TMEM214: variants seen among roughly 807,000 people sequenced by gnomAD.
TMEM214 encodes transmembrane protein 214.
TMEM214 carries 71 observed loss-of-function variants against 89.8 expected under a neutral mutation model. That is an observed-to-expected ratio of 0.79 (90% CI 0.65 to 0.96). TMEM214 has a LOEUF of 0.96. Ranked by LOEUF, TMEM214 falls within the 40% of genes least tolerant of loss-of-function variation. TMEM214 has a pLI of 0.00. For missense variants in TMEM214, 754 were observed against 843.4 expected (o/e 0.89, Z 1.31); for synonymous variants, 332 against 349.5 (o/e 0.95, Z 0.56).
Position 27,040,905 on chromosome 2 carries a change from G to T in TMEM214, c.*68G>T. The stretch of plus-strand genomic sequence containing the variant: ...CCAAGACTGCAGCGGGTAGAAGGTG[G>T]CAGTTCTTCATGGGAGTCTTTTTAA... On this transcript the variant is annotated 3_prime_UTR_variant, in exon 17 of 17. Coordinates refer to ENST00000238788, the MANE Select transcript of TMEM214 (RefSeq NM_017727.5). The T allele has an allele frequency of 6.3e-7, 1 of 1,579,212 alleles. No individual in the cohort carries two copies.
rs776678217 is a variant in TMEM214, at chr2:27,040,095, A to C, written c.1688A>C (p.Gln563Pro). Residue 563 changes from glutamine (Q) to proline (P), a missense_variant, in exon 15 of 17, where the codon CAG becomes CCG. Gln to Pro is a moderately conservative substitution (Grantham distance 76, BLOSUM62 -1). Coordinates refer to ENST00000238788, the MANE Select transcript of TMEM214 (RefSeq NM_017727.5). ...CTCACCGTGGTGCGGCCCAGCTTGC[A>C]GCTGGCCTGGGCTCACACCAATGCC... Reference protein sequence around the residue: ...HLLTVVRPSLQLAWAHTNATV... With the variant: ...HLLTVVRPSLPLAWAHTNATV... 6 of 1,609,174 alleles carry C rather than the reference A, an allele frequency of 3.7e-6. No individual in the cohort carries two copies. Among genetic ancestry groups the C allele is most frequent in the African/African-American group, 2.7e-5 (2 of 74,910 alleles).
chr2:27,033,298 C>T (rs1572783248), intron 1 of TMEM214, 132 bp downstream of exon 1: 3 of 926,274 alleles, frequency 3.2e-6, no homozygotes, highest in Non-Finnish European at 4.3e-6. Context: ...TCTTTGGAGC[C>T]TCACGGGAGG....
In TMEM214 at chr2:27,036,560, C is replaced by G. The variant is rs766798583; in HGVS notation, c.794C>G (p.Ala265Gly). The G allele has an allele frequency of 3.1e-6, 5 of 1,614,054 alleles. No homozygotes were observed. Among genetic ancestry groups the G allele is most frequent in the Non-Finnish European group, 1.7e-6 (2 of 1,180,030 alleles). Residue 265 changes from alanine (A) to glycine (G), a missense_variant, in exon 6 of 17, where the codon GCA becomes GGA. By Grantham distance (60) the Ala-to-Gly change is moderately conservative. Coordinates refer to ENST00000238788, the MANE Select transcript of TMEM214 (RefSeq NM_017727.5). ...ACCATCATGTGGGCCCTGGGTCAAG[C>G]AGGTTTTGCCAACCTCACCGAGGGA... Reference protein sequence around the residue: ...CLTIMWALGQAGFANLTEGLK... With the variant: ...CLTIMWALGQGGFANLTEGLK...
chr2:27,041,094 G>A lies in TMEM214; in HGVS notation c.*257G>A. On this transcript the variant is annotated 3_prime_UTR_variant, in exon 17 of 17. Transcript: ENST00000238788. Reference sequence around the variant, plus strand: ...CATGGCCCCCAGCCTCCATCCTTGTGCTGGTAGCCTCTCACAACTCCGCCC... The same window carrying A: ...CATGGCCCCCAGCCTCCATCCTTGTACTGGTAGCCTCTCACAACTCCGCCC... The A allele has an allele frequency of 2.2e-6, 1 of 446,916 alleles. No homozygotes were observed. The highest frequency in any genetic ancestry group is 3.5e-5 in the South Asian group (1 of 28,532). The allele number at this position is 446,916 out of a possible 1,614,324, so 27.7% of individuals were successfully genotyped here.
chr2:27,037,741 G>A, intron 9 of TMEM214, 39 bp downstream of exon 9: 1 of 1,614,112 alleles, frequency 6.2e-7, no homozygotes, highest in Non-Finnish European at 8.5e-7. Context: ...CTTCCCCAGG[G>A]GTCAGCTGTA....
At chr2:27,037,914 C>T (rs752708787) in intron 9 of TMEM214, 16 of 1,549,738 alleles carry the variant, frequency 1.0e-5, no homozygotes, top group African/African-American at 6.8e-5. Flanking sequence ...TTCTGATGCC[C>T]GTCTCTTGCA....
At chr2:27,036,448 T>G in intron 5 of TMEM214, 39 bp from the exon 6 acceptor site, 1 of 1,545,972 alleles carries the variant, frequency 6.5e-7, no homozygotes, top group Non-Finnish European at 8.9e-7. Flanking sequence ...CCTGGTGTTT[T>G]GTCCTATCCC....
In TMEM214 at chr2:27,040,083, G is replaced by T; in HGVS notation, c.1676G>T (p.Arg559Leu). The T allele has an allele frequency of 6.2e-7, 1 of 1,608,940 alleles. No individual in the cohort carries two copies. Among genetic ancestry groups the T allele is most frequent in the Non-Finnish European group, 8.5e-7 (1 of 1,180,022 alleles). Reference protein sequence around the residue: ...LWGSHLLTVVRPSLQLAWAHT... With the variant: ...LWGSHLLTVVLPSLQLAWAHT... ...GGCTCCCACCTGCTCACCGTGGTGCGGCCCAGCTTGCAGCTGGCCTGGGCT... is the reference window on the plus strand; with the variant it reads ...GGCTCCCACCTGCTCACCGTGGTGCTGCCCAGCTTGCAGCTGGCCTGGGCT... Residue 559 changes from arginine to leucine, a missense_variant, in exon 15 of 17, where the codon CGG becomes CTG. Physicochemically the swap from Arg to Leu is moderately radical, Grantham distance 102. Coordinates refer to ENST00000238788, the MANE Select transcript of TMEM214 (RefSeq NM_017727.5).
At chr2:27,036,623 G>A in intron 6 of TMEM214, 31 bp downstream of exon 6, 1 of 1,613,172 alleles carries the variant, frequency 6.2e-7, no homozygotes. Context: ...AAAGAGGGAG[G>A]GTCTCGGAGC....
In TMEM214 at chr2:27,040,839, C is replaced by T; in HGVS notation, c.*2C>T. 2.5e-6 allele frequency: 4 copies of T among 1,612,148 alleles called. No individual in the cohort carries two copies. The highest frequency in any genetic ancestry group is 3.4e-6 in the Non-Finnish European group (4 of 1,178,372). ...CTTGCCCTGATATCCCAGCAGTAGG[C>T]CCTGCCTTCCTGGCCACTGATTTCT... On this transcript the variant is annotated 3_prime_UTR_variant, in exon 17 of 17. Coordinates refer to ENST00000238788, the MANE Select transcript of TMEM214 (RefSeq NM_017727.5).
rs764314374 is a variant in TMEM214, at chr2:27,039,168, A to G, written c.1525+4A>G. 1.2e-6 allele frequency: 2 copies of G among 1,612,986 alleles called. No individual in the cohort carries two copies. The highest frequency in any genetic ancestry group is 1.7e-5 in the Admixed American group (1 of 60,002). On this transcript the variant is annotated splice_donor_region_variant and intron_variant, in intron 13 of 16. Coordinates refer to ENST00000238788, the MANE Select transcript of TMEM214 (RefSeq NM_017727.5). Reference sequence around the variant, plus strand: ...CGGTCACACAGCTCCTTCCAGGGTAAGCAGCAATGGGCAAGCGAGGAGGAT... The same window carrying G: ...CGGTCACACAGCTCCTTCCAGGGTAGGCAGCAATGGGCAAGCGAGGAGGAT...
In TMEM214 at chr2:27,035,035, A is replaced by G. The variant is rs890754930; in HGVS notation, c.352-100A>G. 7 of 1,360,614 alleles carry G rather than the reference A, an allele frequency of 5.1e-6. No individual in the cohort carries two copies. The South Asian group carries it at 5.3e-5, about 10-fold the overall frequency. 84.3% of individuals were successfully genotyped at this position (1,360,614 alleles called of 1,614,324 possible). ...CTTAAAAATGGAATCCCTTCTTCCT[A>G]CTGCCACCTAGTTCAACCATTTTCC... On this transcript the variant is annotated intron_variant, in intron 2 of 16. Coordinates refer to ENST00000238788, the MANE Select transcript of TMEM214 (RefSeq NM_017727.5).
rs1558397420 is a variant in TMEM214 at position 27,037,115 on chromosome 2, G to A, written c.947G>A (p.Gly316Asp). Reference protein sequence around the residue: ...PNLTKGFGMIGPKDFFPLLDF... With the variant: ...PNLTKGFGMIDPKDFFPLLDF... The stretch of plus-strand genomic sequence containing the variant: ...CTTACCAAGGGCTTCGGCATGATTG[G>A]CCCCAAGGACTTCTTCCCACTTCTG... The change falls in exon 8 of 17, where the codon GGC (glycine) becomes GAC (aspartate). Residue 316 changes from glycine to aspartate, a missense_variant. Physicochemically the swap from Gly to Asp is moderately conservative, Grantham distance 94. Transcript: ENST00000238788. 1 of 1,613,998 alleles carries A rather than the reference G, an allele frequency of 6.2e-7. No homozygotes were observed. Among genetic ancestry groups the A allele is most frequent in the Admixed American group, 1.7e-5 (1 of 59,996 alleles).
rs764364144 is a variant in TMEM214 at position 27,038,687 on chromosome 2, C to T, written c.1294-15C>T. The T allele has an allele frequency of 1.2e-6, 2 of 1,612,772 alleles. No homozygotes were observed. The highest frequency in any genetic ancestry group is 1.7e-6 in the Non-Finnish European group (2 of 1,179,144). On this transcript the variant is annotated splice_polypyrimidine_tract_variant and intron_variant, in intron 11 of 16. Transcript: ENST00000238788. This position sits in a 1 kb window ranked among gnomAD's most constrained non-coding sequence, Gnocchi z 4.4. ...CTCTGGATTCCCTCACAGGCCAGAC[C>T]TTTCTTGTCCATAGGTACAGAAGTC...
At chr2:27,036,872 C>G in intron 7 of TMEM214, 86 bp downstream of exon 7, 1 of 1,409,492 alleles carries the variant, frequency 7.1e-7, no homozygotes, top group Non-Finnish European at 1.0e-6. Context: ...ATCTTGGTCT[C>G]CATGGATATG....
chr2:27,040,026 A>T lies in TMEM214; in HGVS notation c.1623-4A>T, dbSNP rs373441907. ...CCCTCTTCCCCCACTTCCATCTTCCACAGCTGGCTGGGGGAGACACTGCCG... is the reference window on the plus strand; with the variant it reads ...CCCTCTTCCCCCACTTCCATCTTCCTCAGCTGGCTGGGGGAGACACTGCCG... On this transcript the variant is annotated splice_polypyrimidine_tract_variant and splice_region_variant and intron_variant, in intron 14 of 16. Coordinates refer to ENST00000238788, the MANE Select transcript of TMEM214 (RefSeq NM_017727.5). 7.8e-5 allele frequency: 125 copies of T among 1,602,158 alleles called. No homozygotes were observed. Among genetic ancestry groups the T allele is most frequent in the Non-Finnish European group, 9.7e-5 (114 of 1,177,776 alleles).
At chr2:27,034,552 C>T in intron 2 of TMEM214, 1 of 403,924 alleles carries the variant, frequency 2.5e-6, no homozygotes, top group South Asian at 3.1e-5. Context: ...GATTCTCTGT[C>T]CTATGGAAAT....
At position 27,039,813 on chromosome 2, in the gene TMEM214, ACTC is replaced by A. The variant is rs1667748198; in HGVS notation, c.1601_1603del (p.Ser534del). 2.5e-6 allele frequency: 4 copies of A among 1,614,000 alleles called. No individual in the cohort carries two copies. Among genetic ancestry groups the A allele is most frequent in the Non-Finnish European group, 3.4e-6 (4 of 1,179,986 alleles). On this transcript the variant is annotated inframe_deletion, in exon 14 of 17. Coordinates refer to ENST00000238788, the MANE Select transcript of TMEM214 (RefSeq NM_017727.5). The stretch of plus-strand genomic sequence containing the variant: ...AGCCAACAAGCGTGTGCCAAGCTCT[ACTC>A]CTACAGTCTGCAAGGCTACAGGTGA...
chr2:27,038,027 C>T lies in TMEM214; in HGVS notation c.1153-119C>T, dbSNP rs748701640. ...GAGTCTTGACACTGTTTCTCCACCC[C>T]TTAGGGTGGATGTGCGGCCTGGATG... On this transcript the variant is annotated intron_variant, in intron 9 of 16. Coordinates refer to ENST00000238788, the MANE Select transcript of TMEM214 (RefSeq NM_017727.5). This position sits in a 1 kb window ranked among gnomAD's most constrained non-coding sequence, Gnocchi z 4.4. 45 of 1,606,756 alleles carry T rather than the reference C, an allele frequency of 2.8e-5. 1 individual carries two copies. In the South Asian group the frequency reaches 4.9e-4, roughly 18 times the overall value.
Sources: gnomAD v4.1 joint callset for allele counts on GRCh38, gnomAD v4.1.1 for gene constraint, Gnocchi (gnomAD v3.1) non-coding constraint, MANE v1.5 for transcripts, NCBI Gene and HGNC (gene_info 2026-07-23, HGNC 2026-07-21) for gene names.